Variants in PCDHGA4 observed in about 807,000 individuals in gnomAD.
The protein encoded by PCDHGA4 is protocadherin gamma-A4.
In PCDHGA4, 38 loss-of-function variants were observed where a neutral mutation model predicts 54.6. The ratio of observed to expected loss-of-function variants is 0.70; its 90% CI spans 0.54 to 0.91. PCDHGA4 has a LOEUF of 0.91. Ranked by LOEUF, PCDHGA4 falls within the 40% of genes least tolerant of loss-of-function variation. The pLI, the probability that PCDHGA4 is intolerant of heterozygous loss-of-function variation, is 0.00. For missense variants in PCDHGA4, 1,298 were observed against 1,220.9 expected (o/e 1.06, Z -0.94); for synonymous variants, 511 against 512.9 (o/e 1.00, Z 0.05).
intron 1 of PCDHGA4, among the ~76,000 whole-genome samples, chr5:141,444,175 TTTTTTTTTTTTTTG>T (rs2098423325): frequency 7.6e-6 from 1 of 131,192 alleles, no homozygotes; most frequent in African/African-American, 3.0e-5. Flanking sequence ...TTTTTTTTTT[TTTTTTTTTTTTTTG>T]AGATGGAGTT....
rs772962568 is a variant in PCDHGA4, at chr5:141,476,311, G to A, written c.2515-18496G>A. The stretch of plus-strand genomic sequence containing the variant: ...ATCTCGGTAGCCTCTCAGCCCGCAG[G>A]TTCCGGGTGGTGTCTGGAGCTAGCC... On this transcript the variant is annotated intron_variant, in intron 1 of 3. Transcript: ENST00000571252. The surrounding 1 kb of genome is among the most constrained non-coding windows in gnomAD (Gnocchi z 7.6). 13 of 1,613,680 alleles carry A rather than the reference G, an allele frequency of 8.1e-6. No individual in the cohort carries two copies. The African/African-American group carries it at 1.5e-4, about 18-fold the overall frequency.
chr5:141,484,941 C>T (rs2099604065), intron 1 of PCDHGA4: 2 of 543,888 alleles, frequency 3.7e-6, no homozygotes, highest in East Asian at 6.3e-5. Context: ...ACGTTCTCTG[C>T]TCAGCCTATT....
At chr5:141,481,982 G>A (rs1378873905) in intron 1 of PCDHGA4, among the ~76,000 whole-genome samples, 2 of 151,628 alleles carry the variant, frequency 1.3e-5, no homozygotes, top group African/African-American at 2.4e-5. Context: ...CTACTTGGGA[G>A]GTTGAAGCAG....
At chr5:141,410,668 T>C in intron 1 of PCDHGA4, 2 of 1,565,640 alleles carry the variant, frequency 1.3e-6, no homozygotes, top group African/African-American at 2.7e-5. Context: ...TCTACTAGTT[T>C]CTCATATTTT....
At chr5:141,401,128 G>A (rs1271194736) in intron 1 of PCDHGA4, among the ~76,000 whole-genome samples, 3 of 152,166 alleles carry the variant, frequency 2.0e-5, no homozygotes, top group Non-Finnish European at 4.4e-5. Context: ...TGGATCACAT[G>A]GTCAGGAGTT....
chr5:141,418,247 G>T, intron 1 of PCDHGA4: 1 of 1,614,032 alleles, frequency 6.2e-7, no homozygotes, highest in Non-Finnish European at 8.5e-7. Context: ...TAATGACCAC[G>T]CCCCTCAATT....
Position 141,485,738 on chromosome 5 carries a change from A to G in PCDHGA4, c.2515-9069A>G, listed in dbSNP as rs1443978038. Reference sequence around the variant, plus strand: ...GGATGTGAAGAAGCGCAGCGACGGCAGCCTGGTCCCAGAGCTGCTCCTGGA... The same window carrying G: ...GGATGTGAAGAAGCGCAGCGACGGCGGCCTGGTCCCAGAGCTGCTCCTGGA... On this transcript the variant is annotated intron_variant, in intron 1 of 3. Transcript: ENST00000571252. This position sits in a 1 kb window ranked among gnomAD's most constrained non-coding sequence, Gnocchi z 5.7. 1 of 1,614,230 alleles carries G rather than the reference A, an allele frequency of 6.2e-7. No individual in the cohort carries two copies.
chr5:141,455,833 G>A (rs999291826), intron 1 of PCDHGA4, among the ~76,000 whole-genome samples: 1 of 151,468 alleles, frequency 6.6e-6, no homozygotes, highest in Admixed American at 6.6e-5. Flanking sequence ...CCCTTTTCCT[G>A]TCTATCTGCA....
rs539262647 is a variant in PCDHGA4, at chr5:141,357,117, G to C, written c.2010G>C (p.Lys670Asn). The change falls in exon 1 of 4, where the codon AAG (lysine) becomes AAC (asparagine). Residue 670 changes from lysine (K) to asparagine (N), a missense_variant. Lys to Asn is a moderately conservative substitution (Grantham distance 94). Coordinates refer to ENST00000571252, the MANE Select transcript of PCDHGA4 (RefSeq NM_018917.4). ...ARALLDRDAL[K>N]QRLVVVVQDH... ...CCCTGCTGGACAGAGACGCGCTCAA[G>C]CAGAGGCTTGTAGTGGTCGTCCAGG... is the stretch of plus-strand genomic sequence containing the variant. The C allele has an allele frequency of 6.2e-7, 1 of 1,613,714 alleles. No homozygotes were observed. Among genetic ancestry groups the C allele is most frequent in the Non-Finnish European group, 8.5e-7 (1 of 1,179,920 alleles).
rs139771811 is a variant in PCDHGA4 at position 141,355,932 on chromosome 5, G to C, written c.825G>C (p.Gln275His). ...DTNDNAPVFT[Q>H]PEYHVSVREN... is the part of the protein sequence containing the mutation. ...ACGATAATGCTCCCGTGTTCACTCA[G>C]CCCGAGTACCACGTAAGTGTTCGTG... Residue 275 changes from glutamine to histidine, a missense_variant, in exon 1 of 4, where the codon CAG (glutamine) becomes CAC (histidine). By Grantham distance (24) the Gln-to-His change is conservative. Coordinates refer to ENST00000571252, the MANE Select transcript of PCDHGA4 (RefSeq NM_018917.4). 10 of 1,613,772 alleles carry C rather than the reference G, an allele frequency of 6.2e-6. 1 individual carries two copies. The highest frequency in any genetic ancestry group is 4.5e-5 in the East Asian group (2 of 44,878).
At chr5:141,365,095 A>G in intron 1 of PCDHGA4, 2 of 1,613,810 alleles carry the variant, frequency 1.2e-6, no homozygotes, top group Non-Finnish European at 1.7e-6. Context: ...CAGAGAACAT[A>G]CCTGTGGGCA....
intron 1 of PCDHGA4, chr5:141,394,449 A>T: frequency 6.2e-7 from 1 of 1,614,230 alleles, no homozygotes; most frequent in Non-Finnish European, 8.5e-7. Context: ...CAGCAGCAAC[A>T]TGTCACTGAG....
chr5:141,372,867 T>A, intron 1 of PCDHGA4: 1 of 1,387,652 alleles, frequency 7.2e-7, no homozygotes, highest in Non-Finnish European at 9.7e-7. Context: ...TTCATTGATT[T>A]AGAGATAAAA....
intron 1 of PCDHGA4, chr5:141,393,863 G>A: frequency 6.2e-7 from 1 of 1,613,968 alleles, no homozygotes; most frequent in Non-Finnish European, 8.5e-7. Context: ...TGATCATTAC[G>A]TCTTTGTTTA....
chr5:141,359,918 T>C (rs1383987638), intron 1 of PCDHGA4: 2 of 439,790 alleles, frequency 4.5e-6, no homozygotes, highest in African/African-American at 2.0e-5. Flanking sequence ...TGCAGTTTCC[T>C]GAGAAAACCT....
At chr5:141,423,617 A>T (rs1426014397) in intron 1 of PCDHGA4, 3 of 1,608,486 alleles carry the variant, frequency 1.9e-6, no homozygotes, top group Admixed American at 1.7e-5. Flanking sequence ...ATAGCTGAAG[A>T]CTCAGCTATC....
intron 1 of PCDHGA4, chr5:141,361,516 G>T (rs750174731): frequency 2.5e-6 from 4 of 1,613,942 alleles, no homozygotes; most frequent in Non-Finnish European, 3.4e-6. Context: ...CATGGTTCAC[G>T]TGGCAGAGAA....
rs766348365 is a variant in PCDHGA4, at chr5:141,360,614, C to T, written c.2514+2993C>T. The T allele has an allele frequency of 6.2e-6, 10 of 1,613,920 alleles. No individual in the cohort carries two copies. The Admixed American group carries it at 1.3e-4, about 22-fold the overall frequency. On this transcript the variant is annotated intron_variant, in intron 1 of 3. Coordinates refer to ENST00000571252, the MANE Select transcript of PCDHGA4 (RefSeq NM_018917.4). ...TTTCCACTTGACCCAGCCCTGGATT[C>T]AGATGTTGGTCCTAACTCACTACAA...
intron 1 of PCDHGA4, chr5:141,400,460 G>GTGAT (rs760132234): frequency 6.2e-7 from 1 of 1,613,938 alleles, no homozygotes. Context: ...ATACTTTGTG[G>GTGAT]TGATTCATCT....
Sources: gnomAD v4.1 joint callset for allele counts (sites outside exome capture counted in the v4.1 genomes callset) on GRCh38, gnomAD v4.1.1 for gene constraint, Gnocchi (gnomAD v3.1) non-coding constraint, MANE v1.5 for transcripts, NCBI Gene and HGNC (gene_info 2026-07-23, HGNC 2026-07-21) for gene names.